PROM2: variants seen among roughly 807,000 people sequenced by gnomAD.
PROM2 encodes the protein prominin 2.
In PROM2, 90 loss-of-function variants were observed where a neutral mutation model predicts 110.2. That is an observed-to-expected ratio of 0.82 (90% CI 0.69 to 0.97). The LOEUF (loss-of-function observed/expected upper bound fraction) is 0.97. PROM2 is among the 50% of genes least tolerant of loss of function. The pLI, the probability that PROM2 is intolerant of heterozygous loss-of-function variation, is 0.00. For synonymous variants in PROM2, 470 were observed against 467.8 expected (o/e 1.00, Z -0.06); for missense variants, 1,009 against 1,074.8 (o/e 0.94, Z 0.86).
chr2:95,277,652 T>A, intron 7 of PROM2, 86 bp downstream of exon 7: 2 of 1,310,116 alleles, frequency 1.5e-6, no homozygotes, highest in Non-Finnish European at 2.0e-6. Flanking sequence ...CCAGTCCCCT[T>A]GCCCCAATGT....
At position 95,276,551 on chromosome 2, in the gene PROM2, G is replaced by A; in HGVS notation, c.619-43G>A. On this transcript the variant is annotated intron_variant, in intron 4 of 23. Transcript: ENST00000317620. The surrounding 1 kb of genome is among the most constrained non-coding windows in gnomAD (Gnocchi z 4.6). ...AGGGAGAGAAGGGCGTAAGGACTGT[G>A]GGTGACCAGGAAGGGCAGCCTCAGG... 6.2e-7 allele frequency: 1 copy of A among 1,613,456 alleles called. No homozygotes were observed. The highest frequency in any genetic ancestry group is 8.5e-7 in the Non-Finnish European group (1 of 1,179,510).
chr2:95,277,819 T>A (rs1222966765), intron 7 of PROM2, 111 bp from the exon 8 acceptor site: 1 of 942,846 alleles, frequency 1.1e-6, no homozygotes, highest in Non-Finnish European at 1.7e-6. Flanking sequence ...GTCCTCATTT[T>A]ACACTTGAGG....
rs1677314420 is a variant in PROM2, at chr2:95,285,683, G to A, written c.1920G>A (p.Gln640=). 1.2e-6 allele frequency: 2 copies of A among 1,603,864 alleles called. No individual in the cohort carries two copies. The highest frequency in any genetic ancestry group is 4.5e-5 in the East Asian group (2 of 44,440). ...VVKTSMEQLA[Q]ELQGLAQAQD... ...AGACCAGCATGGAGCAGCTGGCCCA[G>A]GAGCTGCAAGGACTGGCCCAGGCCC... Residue 640 remains glutamine (Q), a synonymous_variant, in exon 16 of 24, where the codon CAG becomes CAA. Coordinates refer to ENST00000317620, the MANE Select transcript of PROM2 (RefSeq NM_001165978.3).
At position 95,278,981 on chromosome 2, in the gene PROM2, G is replaced by A. The variant is rs1427673032; in HGVS notation, c.1115-4G>A. On this transcript the variant is annotated splice_polypyrimidine_tract_variant and splice_region_variant and intron_variant, in intron 9 of 23. Coordinates refer to ENST00000317620, the MANE Select transcript of PROM2 (RefSeq NM_001165978.3). Reference sequence around the variant, plus strand: ...ATCCCACAAGTCCCTGTTACTTTGGGCAGAGCTGAAGAAGGCAGTGGCCCA... The same window carrying A: ...ATCCCACAAGTCCCTGTTACTTTGGACAGAGCTGAAGAAGGCAGTGGCCCA... The A allele has an allele frequency of 6.2e-7, 1 of 1,601,658 alleles. No individual in the cohort carries two copies. Among genetic ancestry groups the A allele is most frequent in the African/African-American group, 1.3e-5 (1 of 74,862 alleles).
At position 95,276,393 on chromosome 2, in the gene PROM2, G is replaced by A; in HGVS notation, c.618+46G>A. On this transcript the variant is annotated intron_variant, in intron 4 of 23. Transcript: ENST00000317620. This position sits in a 1 kb window ranked among gnomAD's most constrained non-coding sequence, Gnocchi z 4.6. ...CCCTCATGTGCCCCTGTGAGCACTGGGCCCGGGCAGGACAGAGCCGAGTGG... is the reference window on the plus strand; with the variant it reads ...CCCTCATGTGCCCCTGTGAGCACTGAGCCCGGGCAGGACAGAGCCGAGTGG... The A allele has an allele frequency of 6.2e-7, 1 of 1,606,900 alleles. No individual in the cohort carries two copies. The highest frequency in any genetic ancestry group is 8.5e-7 in the Non-Finnish European group (1 of 1,176,292).
rs184910757 is a variant in PROM2, at chr2:95,282,278, C to T, written c.1728+52C>T. 4 of 1,473,204 alleles carry T rather than the reference C, an allele frequency of 2.7e-6. No individual in the cohort carries two copies. The African/African-American group carries it at 5.6e-5, about 20-fold the overall frequency. 91.3% of individuals were successfully genotyped at this position (1,473,204 alleles called of 1,614,324 possible). ...GGAGCCCTCCTCAGATCCCCCTCCT[C>T]TGGTCTTTTTGCCTCTGTGGAGGCA... On this transcript the variant is annotated intron_variant, in intron 14 of 23. Transcript: ENST00000317620.
At position 95,275,312 on chromosome 2, in the gene PROM2, G is replaced by A. The variant is rs1373748967; in HGVS notation, c.245-149G>A. On this transcript the variant is annotated intron_variant, in intron 1 of 23. Coordinates refer to ENST00000317620, the MANE Select transcript of PROM2 (RefSeq NM_001165978.3). The surrounding 1 kb of genome is among the most constrained non-coding windows in gnomAD (Gnocchi z 4.4). ...CTGAGGTCAGGGCAGGATGGCACAGGGCTGCGGTGATGCAGCCTTCTGCGA... is the reference window on the plus strand; with the variant it reads ...CTGAGGTCAGGGCAGGATGGCACAGAGCTGCGGTGATGCAGCCTTCTGCGA... 19 of 712,242 alleles carry A rather than the reference G, an allele frequency of 2.7e-5. No homozygotes were observed. The highest frequency in any genetic ancestry group is 4.3e-5 in the Non-Finnish European group (18 of 422,426). The allele number at this position is 712,242 out of a possible 1,614,324, so 44.1% of individuals were successfully genotyped here.
At chr2:95,287,789 G>A (rs1330673502) in intron 20 of PROM2, among the ~76,000 whole-genome samples, 1 of 152,208 alleles carries the variant, frequency 6.6e-6, no homozygotes, top group Non-Finnish European at 1.5e-5. Flanking sequence ...CCCACCTCCC[G>A]ATGCAGACCC....
In PROM2 at chr2:95,288,513, AC is replaced by A. The variant is rs1485707622; in HGVS notation, c.2367del (p.Phe790SerfsTer3). 3 of 1,614,042 alleles carry A rather than the reference AC, an allele frequency of 1.9e-6. No individual in the cohort carries two copies. The highest frequency in any genetic ancestry group is 2.5e-6 in the Non-Finnish European group (3 of 1,180,022). On this transcript the variant is annotated frameshift_variant, in exon 22 of 24. Coordinates refer to ENST00000317620, the MANE Select transcript of PROM2 (RefSeq NM_001165978.3). LOFTEE classifies it high-confidence loss of function. ...NAFWFCLAWC[T>X]FFLIPSIIFA... ...CTTCTGGTTCTGCCTGGCATGGTGC[AC>A]CTTCTTCCTGATCCCCAGCATCATC...
In PROM2 at chr2:95,277,012, C is replaced by T. The variant is rs533425278; in HGVS notation, c.723C>T (p.Leu241=). 6.4e-6 allele frequency: 10 copies of T among 1,553,312 alleles called. No homozygotes were observed. Among genetic ancestry groups the T allele is most frequent in the Admixed American group, 2.0e-5 (1 of 51,170 alleles). ...VSIGSAIHTQ[L]RSSVYPLLAA... ...TTGGGAGCGCGATCCACACTCAGCT[C>T]AGGAGCTCCGTGTACCCCTTGCTGG... The change falls in exon 6 of 24, where the codon CTC becomes CTT. Residue 241 remains leucine (L), a synonymous_variant. Transcript: ENST00000317620.
chr2:95,278,148 A>G, intron 8 of PROM2, 144 bp downstream of exon 8: 2 of 670,842 alleles, frequency 3.0e-6, no homozygotes, highest in Non-Finnish European at 5.2e-6. Flanking sequence ...ACTCCCGACG[A>G]CCATCCTTGG....
In PROM2 at chr2:95,279,919, G is replaced by C. The variant is rs756965676; in HGVS notation, c.1349G>C (p.Gly450Ala). 2.1e-5 allele frequency: 33 copies of C among 1,556,684 alleles called. No individual in the cohort carries two copies. In the South Asian group the frequency reaches 3.3e-4, roughly 16 times the overall value. The change falls in exon 11 of 24, where the codon GGC (glycine) becomes GCC (alanine). Residue 450 changes from glycine to alanine, a missense_variant. Gly to Ala is a moderately conservative substitution (Grantham distance 60). Transcript: ENST00000317620. The stretch of plus-strand genomic sequence containing the variant: ...TGCAACCTGCTGGGCCTCAATCTGG[G>C]CATCTGGGGCCTGTCTGCCAGGGAC... The part of the protein sequence containing the change: ...VLCNLLGLNL[G>A]IWGLSARDDP...
At chr2:95,280,075 C>T (rs1183625534) in intron 11 of PROM2, 78 bp downstream of exon 11, 27 of 1,301,518 alleles carry the variant, frequency 2.1e-5, no homozygotes, top group African/African-American at 3.0e-5. Flanking sequence ...GCATAGCTCC[C>T]GGTGTGGCTG....
At chr2:95,278,820 T>C (rs748334815) in intron 9 of PROM2, 36 bp downstream of exon 9, 4 of 1,613,576 alleles carry the variant, frequency 2.5e-6, no homozygotes, top group Non-Finnish European at 2.5e-6. Flanking sequence ...CTGCCAGGCA[T>C]GGCTTCCCAC....
intron 14 of PROM2, among the ~76,000 whole-genome samples, chr2:95,282,919 C>T (rs1298853364): frequency 1.3e-5 from 2 of 152,124 alleles, no homozygotes; most frequent in Non-Finnish European, 2.9e-5. Flanking sequence ...GCCCTGGTTC[C>T]CCTCGCCCTC....
intron 15 of PROM2, among the ~76,000 whole-genome samples, 156 bp downstream of exon 15, chr2:95,285,271 C>A (rs1440424987): frequency 6.6e-6 from 1 of 152,272 alleles, no homozygotes; most frequent in African/African-American, 2.4e-5. Context: ...AGATCATGTG[C>A]CCCTGGGCCT....
chr2:95,274,857 C>T (rs199870049), intron 1 of PROM2, 28 bp downstream of exon 1: 55 of 1,513,120 alleles, frequency 3.6e-5, no homozygotes, highest in Admixed American at 1.0e-4. Context: ...CCATGAGGGC[C>T]TCAGCATTTG....
At position 95,286,327 on chromosome 2, in the gene PROM2, A is replaced by G. The variant is rs1000495096; in HGVS notation, c.1948-152A>G. 6.3e-6 allele frequency: 4 copies of G among 636,118 alleles called. No homozygotes were observed. The African/African-American group carries it at 7.3e-5, about 12-fold the overall frequency. The allele number at this position is 636,118 out of a possible 1,614,324, so 39.4% of individuals were successfully genotyped here. On this transcript the variant is annotated intron_variant, in intron 16 of 23. Transcript: ENST00000317620. Reference sequence around the variant, plus strand: ...CCTAGAATTTGGATCTAGGCCCCCCAAACCAAGATCAGGCCCTGGAGCTTA... The same window carrying G: ...CCTAGAATTTGGATCTAGGCCCCCCGAACCAAGATCAGGCCCTGGAGCTTA...
intron 14 of PROM2, among the ~76,000 whole-genome samples, chr2:95,282,432 T>C (rs1677106492): frequency 6.6e-6 from 1 of 152,154 alleles, no homozygotes; most frequent in Non-Finnish European, 1.5e-5. Flanking sequence ...ACCTGAAGGC[T>C]ATGTCCAGCC....
Sources: gnomAD v4.1 joint callset for allele counts (sites outside exome capture counted in the v4.1 genomes callset) on GRCh38, gnomAD v4.1.1 for gene constraint, Gnocchi (gnomAD v3.1) non-coding constraint, MANE v1.5 for transcripts, NCBI Gene and HGNC (gene_info 2026-07-23, HGNC 2026-07-21) for gene names.